The following MUC12 variants were observed in gnomAD, a reference collection of about 807,000 sequenced individuals.
The protein encoded by MUC12 is mucin 12, cell surface associated.
MUC12 carries 172 observed loss-of-function variants against 230.8 expected under a neutral mutation model. That is an observed-to-expected ratio of 0.75 (90% CI 0.66 to 0.85). MUC12 has a LOEUF of 0.85. Ranked by LOEUF, MUC12 falls within the 40% of genes least tolerant of loss-of-function variation. MUC12 has a pLI of 0.00. For missense variants in MUC12, 3,506 were observed against 5,920.6 expected (o/e 0.59, Z 13.38); for synonymous variants, 1,259 against 2,401.9 (o/e 0.52, Z 13.91).
rs35002853 is a variant in MUC12, at chr7:100,992,609, C to T, written c.2046C>T (p.Leu682=). ...CTGCCCGCTCCACAACCTCAGGCCT[C>T]GTTGAAGAATCTACGACCTACCACA... ...HISARSTTSG[L]VEESTTYHSS... is the part of the protein sequence containing the mutation. Residue 682 remains leucine (L), a synonymous_variant, in exon 2 of 12, where the codon CTC becomes CTT. Transcript: ENST00000536621. 0.13 allele frequency: 196,547 copies of T among 1,516,608 alleles called. 14,889 individuals carry two copies. Among genetic ancestry groups the T allele is most frequent in the African/African-American group, 0.2 (14,494 of 72,332 alleles). 93.9% of individuals were successfully genotyped at this position (1,516,608 alleles called of 1,614,324 possible).
chr7:101,004,878 A>G lies in MUC12; in HGVS notation c.14315A>G (p.Gln4772Arg). 1 of 1,537,756 alleles carries G rather than the reference A, an allele frequency of 6.5e-7. No individual in the cohort carries two copies. Among genetic ancestry groups the G allele is most frequent in the Admixed American group, 2.0e-5 (1 of 50,988 alleles). ...ISGEPTSLYSQAESTHTTAFP... is the reference protein window; with the variant it reads ...ISGEPTSLYSRAESTHTTAFP... ...GGAGAACCCACCAGCTTGTATAGCCAAGCAGAGTCAACACACACAACAGCG... is the reference window on the plus strand; with the variant it reads ...GGAGAACCCACCAGCTTGTATAGCCGAGCAGAGTCAACACACACAACAGCG... Residue 4772 changes from glutamine (Q) to arginine (R), a missense_variant, in exon 2 of 12, where the codon CAA (glutamine) becomes CGA (arginine). Coordinates refer to ENST00000536621, the MANE Select transcript of MUC12 (RefSeq NM_001164462.2).
chr7:101,015,010 A>T (rs999461487), intron 9 of MUC12, among the ~76,000 whole-genome samples: 10 of 152,128 alleles, frequency 6.6e-5, no homozygotes, highest in African/African-American at 2.4e-4. Context: ...ATTCATGAGG[A>T]CAGCACCTTC....
intron 1 of MUC12, among the ~76,000 whole-genome samples, chr7:100,989,358 C>T (rs957531742): frequency 9.2e-5 from 14 of 152,196 alleles, no homozygotes; most frequent in Admixed American, 2.6e-4. Context: ...TCTGCCACCT[C>T]GGCATCCCAA....
Position 101,003,430 on chromosome 7 carries a change from C to A in MUC12, c.12867C>A (p.Asp4289Glu), listed in dbSNP as rs745535746. 3.3e-6 allele frequency: 5 copies of A among 1,514,552 alleles called. No individual in the cohort carries two copies. Among genetic ancestry groups the A allele is most frequent in the South Asian group, 2.4e-5 (2 of 83,516 alleles). The allele number at this position is 1,514,552 out of a possible 1,614,324, so 93.8% of individuals were successfully genotyped here. The change falls in exon 2 of 12, where the codon GAC becomes GAA. Residue 4289 changes from aspartate (D) to glutamate (E), a missense_variant. Physicochemically the swap from Asp to Glu is conservative, Grantham distance 45 (BLOSUM62 2). Coordinates refer to ENST00000536621, the MANE Select transcript of MUC12 (RefSeq NM_001164462.2). ...CCACTGAAACAACACTCTTACCTGA[C>A]AACACCACAGCCTCAGGCCTCCTTG... is the stretch of plus-strand genomic sequence containing the variant. The part of the protein sequence containing the change: ...PGSTETTLLP[D>E]NTTASGLLEA...
rs866817259 is a variant in MUC12 at position 100,991,942 on chromosome 7, T to A, written c.1379T>A (p.Val460Asp). The change falls in exon 2 of 12, where the codon GTT (valine) becomes GAT (aspartate). Residue 460 changes from valine to aspartate, a missense_variant. Transcript: ENST00000536621. The stretch of plus-strand genomic sequence containing the variant: ...TTACCTGCCGGCTCTACACCCTCAG[T>A]TCTTGTTGGAGACTCGACGCCCTCA... Reference protein sequence around the residue: ...TVLPAGSTPSVLVGDSTPSPI... With the variant: ...TVLPAGSTPSDLVGDSTPSPI... 18 of 1,537,450 alleles carry A rather than the reference T, an allele frequency of 1.2e-5. No individual in the cohort carries two copies. In the Middle Eastern group the frequency reaches 1.5e-3, roughly 128 times the overall value.
At chr7:100,975,922 G>A (rs1161102558) in intron 1 of MUC12, among the ~76,000 whole-genome samples, 1 of 152,306 alleles carries the variant, frequency 6.6e-6, no homozygotes, top group Non-Finnish European at 1.5e-5. Flanking sequence ...TTTGGGGTGT[G>A]GAAAGGCCAA....
chr7:100,974,816 C>G (rs1412226967), intron 1 of MUC12, among the ~76,000 whole-genome samples: 1 of 149,590 alleles, frequency 6.7e-6, no homozygotes, highest in Non-Finnish European at 1.5e-5. Flanking sequence ...CAGAGAGAGA[C>G]CTTGTCTCAA....
rs893481209 is a variant in MUC12 at position 101,004,503 on chromosome 7, C to T, written c.13940C>T (p.Thr4647Ile). 6.5e-7 allele frequency: 1 copy of T among 1,535,050 alleles called. No individual in the cohort carries two copies. The highest frequency in any genetic ancestry group is 8.7e-7 in the Non-Finnish European group (1 of 1,146,178). ...TTHTISSPPS[T>I]TSALVEEPTS... ...CACACAATATCTTCACCTCCTAGCA[C>T]CACATCTGCCCTTGTTGAAGAACCT... The change falls in exon 2 of 12, where the codon ACC (threonine) becomes ATC (isoleucine). Residue 4647 changes from threonine (T) to isoleucine (I), a missense_variant. Thr to Ile is a moderately conservative substitution (Grantham distance 89, BLOSUM62 -1). Coordinates refer to ENST00000536621, the MANE Select transcript of MUC12 (RefSeq NM_001164462.2).
intron 3 of MUC12, among the ~76,000 whole-genome samples, chr7:101,007,914 C>G (rs1793779792): frequency 6.6e-6 from 1 of 151,568 alleles, no homozygotes; most frequent in Non-Finnish European, 1.5e-5. Context: ...TCTCCTGCCT[C>G]AGCCTCCCAA....
chr7:101,009,135 GA>G lies in MUC12; in HGVS notation c.15228del (p.Val5078Ter). 1 of 1,537,928 alleles carries G rather than the reference GA, an allele frequency of 6.5e-7. No homozygotes were observed. The highest frequency in any genetic ancestry group is 8.7e-7 in the Non-Finnish European group (1 of 1,147,060). On this transcript the variant is annotated frameshift_variant, in exon 5 of 12. Transcript: ENST00000536621. LOFTEE classifies it high-confidence loss of function. ...VLKGDNLPQY[R>X]GVNIRRLLNG... ...AAGGGCGACAATCTTCCTCAGTATAGAGGGGTGAACATTCGGAGATTGCTGT... is the reference window on the plus strand; with the variant it reads ...AAGGGCGACAATCTTCCTCAGTATAGGGGGTGAACATTCGGAGATTGCTGT...
intron 1 of MUC12, among the ~76,000 whole-genome samples, chr7:100,977,534 T>C (rs1259087773): frequency 6.6e-6 from 1 of 151,868 alleles, no homozygotes; most frequent in Non-Finnish European, 1.5e-5. Context: ...CCCGGCTAAG[T>C]TTTGTATTTT....
intron 1 of MUC12, among the ~76,000 whole-genome samples, chr7:100,975,933 G>C (rs1793023517): frequency 6.6e-6 from 1 of 152,298 alleles, no homozygotes; most frequent in Non-Finnish European, 1.5e-5. Context: ...GAAAGGCCAA[G>C]AGACACCCAC....
intron 2 of MUC12, among the ~76,000 whole-genome samples, chr7:101,005,735 A>G (rs1019258475): frequency 6.6e-6 from 1 of 151,282 alleles, no homozygotes; most frequent in Non-Finnish European, 1.5e-5. Context: ...TCCTTCCTCT[A>G]TGACTCCAGG....
At chr7:100,985,666 G>T (rs1284025034) in intron 1 of MUC12, among the ~76,000 whole-genome samples, 1 of 152,182 alleles carries the variant, frequency 6.6e-6, no homozygotes, top group South Asian at 2.1e-4. Flanking sequence ...TTGCAAAGGC[G>T]GTTTCAGCTG....
At chr7:100,989,043 A>G (rs1793237460) in intron 1 of MUC12, among the ~76,000 whole-genome samples, 1 of 151,786 alleles carries the variant, frequency 6.6e-6, no homozygotes, top group Non-Finnish European at 1.5e-5. Flanking sequence ...TGAGTCCATT[A>G]AACCATTTTT....
In MUC12 at chr7:101,012,865, G is replaced by T; in HGVS notation, c.15450G>T (p.Ser5150=). ...AAGAGGACACTTTCGTGGATTCATC[G>T]GTGACTCCGGGCTTTGACTTCCAGG... ...YSEEDTFVDS[S]VTPGFDFQEQ... Residue 5150 remains serine (S), a synonymous_variant, in exon 7 of 12, where the codon TCG becomes TCT. Coordinates refer to ENST00000536621, the MANE Select transcript of MUC12 (RefSeq NM_001164462.2). The T allele has an allele frequency of 6.5e-7, 1 of 1,537,260 alleles. No individual in the cohort carries two copies. Among genetic ancestry groups the T allele is most frequent in the Non-Finnish European group, 8.7e-7 (1 of 1,146,918 alleles).
Position 100,991,272 on chromosome 7 carries a change from C to A in MUC12, c.709C>A (p.Pro237Thr). Residue 237 changes from proline (P) to threonine (T), a missense_variant, in exon 2 of 12, where the codon CCT (proline) becomes ACT (threonine). Physicochemically the swap from Pro to Thr is conservative, Grantham distance 38. Coordinates refer to ENST00000536621, the MANE Select transcript of MUC12 (RefSeq NM_001164462.2). Reference protein sequence around the residue: ...SPGYTKTTRLPDNTTTSGLLE... With the variant: ...SPGYTKTTRLTDNTTTSGLLE... ...AGGCTACACTAAAACAACACGCTTACCTGACAACACCACAACCTCAGGCCT... is the reference window on the plus strand; with the variant it reads ...AGGCTACACTAAAACAACACGCTTAACTGACAACACCACAACCTCAGGCCT... The A allele has an allele frequency of 6.5e-7, 1 of 1,537,748 alleles. No individual in the cohort carries two copies. Among genetic ancestry groups the A allele is most frequent in the South Asian group, 1.2e-5 (1 of 84,046 alleles).
In MUC12 at chr7:101,004,430, G is replaced by A. The variant is rs772583421; in HGVS notation, c.13867G>A (p.Ala4623Thr). 31 of 1,511,330 alleles carry A rather than the reference G, an allele frequency of 2.1e-5. No individual in the cohort carries two copies. Among genetic ancestry groups the A allele is most frequent in the Middle Eastern group, 2.0e-4 (1 of 5,106 alleles). The allele number at this position is 1,511,330 out of a possible 1,614,324, so 93.6% of individuals were successfully genotyped here. A position where few individuals can be genotyped will look rare whatever the true frequency, so the allele number is the denominator to read the frequency against. ...AATGCACTTCCCTGAAAGCTCCACA[G>A]CTTCAGGTCGTAGTGAAGAATCAAG... is the stretch of plus-strand genomic sequence containing the variant. ...QTMHFPESST[A>T]SGRSEESRTS... is the part of the protein sequence containing the mutation. Residue 4623 changes from alanine to threonine, a missense_variant, in exon 2 of 12, where the codon GCT becomes ACT. Transcript: ENST00000536621.
intron 1 of MUC12, among the ~76,000 whole-genome samples, chr7:100,980,869 G>T (rs1157351910): frequency 6.6e-6 from 1 of 152,068 alleles, no homozygotes; most frequent in African/African-American, 2.4e-5. Flanking sequence ...AGTGAGCTAA[G>T]GTTGTGCCAC....
Sources: allele counts gnomAD v4.1 joint callset (sites outside exome capture counted in the v4.1 genomes callset), GRCh38; gene constraint gnomAD v4.1.1; transcripts MANE v1.5; gene names NCBI Gene and HGNC (gene_info 2026-07-23, HGNC 2026-07-21).